Variants in DHX57 observed in about 807,000 individuals in gnomAD.
DHX57 encodes DExH-box helicase 57, also known as putative ATP-dependent RNA helicase DHX57.
Under a neutral mutation model 156.2 loss-of-function variants are expected in DHX57, and 105 were observed. That is an observed-to-expected ratio of 0.67 (90% CI 0.57 to 0.79). DHX57 has a LOEUF of 0.79. Ranked by LOEUF, DHX57 falls within the 30% of genes least tolerant of loss-of-function variation. The probability of loss-of-function intolerance (pLI) is 0.00; values close to 1 mark genes in which losing one functional copy is unlikely to be tolerated. For missense variants in DHX57, 1,847 were observed against 1,661.9 expected, an observed-to-expected ratio of 1.11 and a Z score of -1.94; for synonymous variants, 704 against 595.6, an observed-to-expected ratio of 1.18 and a Z score of -2.65.
chr2:38,837,491 A>T (rs865993484), intron 13 of DHX57, among the ~76,000 whole-genome samples: 11 of 151,512 alleles, frequency 7.3e-5, no homozygotes, highest in African/African-American at 2.4e-4. Flanking sequence ...CATGCTTGTA[A>T]TCCCAGCTAC....
At chr2:38,855,314 C>A (rs1406626532) in intron 7 of DHX57, 62 bp from the exon 8 acceptor site, 3 of 1,504,740 alleles carry the variant, frequency 2.0e-6, no homozygotes, top group Non-Finnish European at 2.8e-6. Flanking sequence ...ACTAAAGAAG[C>A]AATCATATGG....
At chr2:38,828,858 C>T (rs1230913681) in intron 13 of DHX57, among the ~76,000 whole-genome samples, 1 of 152,114 alleles carries the variant, frequency 6.6e-6, no homozygotes, top group Admixed American at 6.5e-5. Context: ...ATTTATCTTT[C>T]TATAACCAGA....
chr2:38,825,307 A>T (rs1440417220), intron 16 of DHX57, among the ~76,000 whole-genome samples: 1 of 152,010 alleles, frequency 6.6e-6, no homozygotes, highest in East Asian at 1.9e-4. Flanking sequence ...TCATTTATTT[A>T]ATTTTTATTT....
intron 13 of DHX57, among the ~76,000 whole-genome samples, chr2:38,834,356 T>C (rs1045401157): frequency 7.0e-6 from 1 of 142,376 alleles, no homozygotes; most frequent in Non-Finnish European, 1.5e-5. Context: ...AAAAAAGTGG[T>C]ATTAAATCAA....
chr2:38,800,226 C>T (rs1342488985), intron 23 of DHX57, among the ~76,000 whole-genome samples: 4 of 149,372 alleles, frequency 2.7e-5, no homozygotes, highest in Non-Finnish European at 4.4e-5. Flanking sequence ...TGGTGGTGTA[C>T]GCCTGCAGTC....
chr2:38,839,205 TAGTCGTG>T (rs1671849768), intron 12 of DHX57, among the ~76,000 whole-genome samples: 1 of 151,746 alleles, frequency 6.6e-6, no homozygotes, highest in African/African-American at 2.4e-5. Flanking sequence ...GCTGAGATTA[TAGTCGTG>T]AGCCACCGCG....
chr2:38,802,865 A>G lies in DHX57; in HGVS notation c.3867T>C (p.Thr1289=), dbSNP rs773306291. The G allele has an allele frequency of 6.2e-7, 1 of 1,614,148 alleles. No homozygotes were observed. The highest frequency in any genetic ancestry group is 8.5e-7 in the Non-Finnish European group (1 of 1,180,020). ...TGCAGTCTCGGATGAATACTCGACT[A>G]GTTTTTATCTTCTCGTGGTACAACA... ...PYLLYHEKIK[T]SRVFIRDCSM... The change falls in exon 23 of 24, where the codon ACT becomes ACC. Residue 1289 remains threonine (T), a synonymous_variant. Transcript: ENST00000457308.
At chr2:38,833,204 G>A (rs1039001928) in intron 13 of DHX57, among the ~76,000 whole-genome samples, 11 of 151,750 alleles carry the variant, frequency 7.2e-5, no homozygotes, top group East Asian at 3.9e-4. Context: ...GTGCGGTGGC[G>A]CGATCTTGGC....
intron 17 of DHX57, 35 bp from the exon 18 acceptor site, chr2:38,819,179 CTT>C (rs3832124): frequency 7.9e-6 from 10 of 1,259,602 alleles, no homozygotes; most frequent in Non-Finnish European, 8.7e-6. Context: ...TTAAAGAACA[CTT>C]TTTTTTTTTC....
intron 21 of DHX57, chr2:38,811,293 A>C: frequency 1.9e-6 from 1 of 523,038 alleles, no homozygotes; most frequent in Non-Finnish European, 3.8e-6. Flanking sequence ...GCGAGCTCAA[A>C]CCAGACCTGA....
At chr2:38,839,698 C>G (rs144710821) in intron 12 of DHX57, among the ~76,000 whole-genome samples, 8 of 147,750 alleles carry the variant, frequency 5.4e-5, no homozygotes, top group Non-Finnish European at 1.2e-4. Context: ...TCCTGCTGGG[C>G]GACAGAGCAA....
intron 1 of DHX57, among the ~76,000 whole-genome samples, chr2:38,875,237 A>G (rs962103046): frequency 2.0e-5 from 3 of 152,198 alleles, no homozygotes; most frequent in Non-Finnish European, 2.9e-5. Context: ...GAAGACTCCA[A>G]CTATCTTTCT....
chr2:38,873,417 C>T (rs1439901616), intron 1 of DHX57, among the ~76,000 whole-genome samples: 1 of 152,192 alleles, frequency 6.6e-6, no homozygotes, highest in East Asian at 1.9e-4. Context: ...TAAACTAGGT[C>T]TTCCTAGGTA....
rs1313602917 is a variant in DHX57, at chr2:38,854,045, T to C, written c.2030+9A>G. The C allele has an allele frequency of 5.0e-6, 8 of 1,599,710 alleles. No homozygotes were observed. The African/African-American group carries it at 1.1e-4, about 22-fold the overall frequency. ...GAGTGTGTGTTCCCTGGGAAAGTCTTTGTTTTACCTTTCTTCTGTCCTCTC... is the reference window on the plus strand; with the variant it reads ...GAGTGTGTGTTCCCTGGGAAAGTCTCTGTTTTACCTTTCTTCTGTCCTCTC... On this transcript the variant is annotated intron_variant, in intron 9 of 23. Transcript: ENST00000457308.
chr2:38,855,214 T>C lies in DHX57; in HGVS notation c.1748A>G (p.Asp583Gly), dbSNP rs761190327. 28 of 1,614,156 alleles carry C rather than the reference T, an allele frequency of 1.7e-5. No homozygotes were observed. The highest frequency in any genetic ancestry group is 2.3e-5 in the Non-Finnish European group (27 of 1,180,022). ...KTTQIPQFIL[D>G]DSLNGPPEKV... ...CTCAGGTGGTCCATTCAGAGAATCA[T>C]CCAGAATAAACTGCGGAATTTGTGT... The change falls in exon 8 of 24, where the codon GAT (aspartate) becomes GGT (glycine). Residue 583 changes from aspartate to glycine, a missense_variant. Physicochemically the swap from Asp to Gly is moderately conservative, Grantham distance 94 (BLOSUM62 -1). Transcript: ENST00000457308.
At chr2:38,815,380 G>C (rs979025972) in intron 20 of DHX57, 141 bp downstream of exon 20, 8 of 1,117,310 alleles carry the variant, frequency 7.2e-6, no homozygotes, top group Middle Eastern at 2.2e-4. Flanking sequence ...ATATTTATTT[G>C]TGCGAAGCAG....
chr2:38,812,257 CACAA>C (rs1223234148), intron 21 of DHX57, among the ~76,000 whole-genome samples: 2 of 104,004 alleles, frequency 1.9e-5, no homozygotes, highest in African/African-American at 2.7e-5. Context: ...CACTACAAAG[CACAA>C]ACAATTTTTT....
At chr2:38,864,366 C>A (rs187132612) in intron 2 of DHX57, among the ~76,000 whole-genome samples, 1 of 151,308 alleles carries the variant, frequency 6.6e-6, no homozygotes, top group African/African-American at 2.4e-5. Flanking sequence ...GGCAATATAG[C>A]AAGATCCTGT....
chr2:38,827,173 T>C (rs929478521), intron 14 of DHX57, among the ~76,000 whole-genome samples: 1 of 148,838 alleles, frequency 6.7e-6, no homozygotes, highest in Admixed American at 6.8e-5. Context: ...GGTAAAGTCC[T>C]TTCTGATTTT....
Sources: gnomAD v4.1 joint callset for allele counts (sites outside exome capture counted in the v4.1 genomes callset) on GRCh38, gnomAD v4.1.1 for gene constraint, MANE v1.5 for transcripts, NCBI Gene and HGNC (gene_info 2026-07-23, HGNC 2026-07-21) for gene names.